Variants in MACROD1 observed in about 807,000 individuals in gnomAD.
The protein encoded by MACROD1 is ADP-ribose glycohydrolase MACROD1.
MACROD1 carries 31 observed loss-of-function variants against 41.4 expected under a neutral mutation model. The observed-to-expected ratio is 0.75, with a 90% CI of 0.56 to 1.01. The LOEUF is 1.01. Among genes scored for constraint, MACROD1 ranks in the 50% least tolerant of loss-of-function variants. MACROD1 has a pLI of 0.00. For missense variants in MACROD1, 473 were observed against 460.0 expected (o/e 1.03, Z -0.26); for synonymous variants, 252 against 203.4 (o/e 1.24, Z -2.03).
intron 3 of MACROD1, among the ~76,000 whole-genome samples, chr11:64,112,738 G>C (rs1287686010): frequency 6.6e-6 from 1 of 152,146 alleles, no homozygotes; most frequent in Non-Finnish European, 1.5e-5. Flanking sequence ...GGGATACTAG[G>C]GGGTGCCTGG....
Position 64,090,889 on chromosome 11 carries a change from CA to C in MACROD1, c.517+60349del, listed in dbSNP as rs1406568609. 6.6e-6 allele frequency among the ~76,000 whole-genome samples: 1 copy of C among 151,956 alleles called. No individual in the cohort carries two copies. Among genetic ancestry groups the C allele is most frequent in the Non-Finnish European group, 1.5e-5 (1 of 67,974 alleles). ...AGGGACGAAGTAAAGCAGGAGAGGG[CA>C]GGGGGAGGGACAGCCAGGGTGGTCA... On this transcript the variant is annotated intron_variant, in intron 3 of 10. Coordinates refer to ENST00000255681, the MANE Select transcript of MACROD1 (RefSeq NM_014067.4). This position sits in a 1 kb window ranked among gnomAD's most constrained non-coding sequence, Gnocchi z 4.7.
At chr11:64,040,661 T>C (rs1048858094) in intron 3 of MACROD1, among the ~76,000 whole-genome samples, 1 of 152,196 alleles carries the variant, frequency 6.6e-6, no homozygotes, top group Non-Finnish European at 1.5e-5. Flanking sequence ...AAATGTGGGC[T>C]TGTTTATGAC....
chr11:64,152,376 T>G lies in MACROD1; in HGVS notation c.316A>C (p.Ser106Arg), dbSNP rs1329447371. The part of the protein sequence containing the change: ...KEAKSFLKGL[S>R]DKQREEHYFC... ...TAATGTTCCTCCCGCTGCTTGTCAC[T>G]CAGGCCCTTCAGAAAGGCTGCAGAG... Residue 106 changes from serine (S) to arginine (R), a missense_variant, in exon 2 of 11, where the codon AGT becomes CGT. Ser to Arg is a moderately radical substitution (Grantham distance 110). Coordinates refer to ENST00000255681, the MANE Select transcript of MACROD1 (RefSeq NM_014067.4). 6.2e-7 allele frequency: 1 copy of G among 1,614,186 alleles called. No individual in the cohort carries two copies. The highest frequency in any genetic ancestry group is 8.5e-7 in the Non-Finnish European group (1 of 1,180,002).
intron 3 of MACROD1, among the ~76,000 whole-genome samples, chr11:64,043,097 C>CGGA (rs1943519584): frequency 6.6e-6 from 1 of 152,196 alleles, no homozygotes; most frequent in African/African-American, 2.4e-5. Context: ...CCTCACGTCC[C>CGGA]CTCTCTGTGC....
rs148356716 is a variant in MACROD1, at chr11:64,100,470, C to T, written c.517+50769G>A. 5.5e-3 allele frequency among the ~76,000 whole-genome samples: 844 copies of T among 152,264 alleles called. 7 individuals are homozygous for T. The highest frequency in any genetic ancestry group is 8.4e-3 in the Non-Finnish European group (571 of 68,016). On this transcript the variant is annotated intron_variant, in intron 3 of 10. Transcript: ENST00000255681. Reference sequence around the variant, plus strand: ...AGACCAGACCTGGAGCCTGTGGGAACGGGGGAGGCCAAGGCGAGGAGTGTA... The same window carrying T: ...AGACCAGACCTGGAGCCTGTGGGAATGGGGGAGGCCAAGGCGAGGAGTGTA...
chr11:64,136,402 C>T (rs1239846834), intron 3 of MACROD1, among the ~76,000 whole-genome samples: 1 of 152,224 alleles, frequency 6.6e-6, no homozygotes, highest in East Asian at 1.9e-4. Context: ...GGACTCATAG[C>T]CGCCTCTCAG....
chr11:64,157,524 G>T (rs1025412009), intron 1 of MACROD1, among the ~76,000 whole-genome samples: 8 of 152,140 alleles, frequency 5.3e-5, no homozygotes, highest in African/African-American at 1.9e-4. Flanking sequence ...CATTTTTGAA[G>T]AGGCAAGAGT....
chr11:64,010,630 G>T (rs1351636010), intron 4 of MACROD1, among the ~76,000 whole-genome samples: 3 of 148,326 alleles, frequency 2.0e-5, no homozygotes, highest in African/African-American at 5.0e-5. Context: ...CTGGGGTGTT[G>T]GTTGGAGTGT....
chr11:64,117,117 C>T, intron 3 of MACROD1: 2 of 1,610,080 alleles, frequency 1.2e-6, no homozygotes, highest in Non-Finnish European at 1.7e-6. Flanking sequence ...TGCCATCAGC[C>T]ACATCCCCTA....
At chr11:64,155,419 T>G (rs1945652234) in intron 1 of MACROD1, among the ~76,000 whole-genome samples, 1 of 152,138 alleles carries the variant, frequency 6.6e-6, no homozygotes, top group African/African-American at 2.4e-5. Context: ...CCCGCCAGGT[T>G]TGGGTTCGTG....
intron 3 of MACROD1, among the ~76,000 whole-genome samples, chr11:64,126,498 A>G (rs1475700965): frequency 1.3e-5 from 2 of 152,194 alleles, no homozygotes; most frequent in African/African-American, 4.8e-5. Flanking sequence ...CGTACCCCCT[A>G]TAAACACGGC....
chr11:63,999,360 G>T lies in MACROD1; in HGVS notation c.862C>A (p.Arg288=), dbSNP rs376399388. The T allele has an allele frequency of 8.8e-6, 14 of 1,591,078 alleles. No homozygotes were observed. The highest frequency in any genetic ancestry group is 1.7e-5 in the Admixed American group (1 of 58,488). Reference sequence around the variant, plus strand: ...TCCTTGTGCTGCTCCAGCCACTCTCGCAGCGTGGCCAGCACGATCTCGGCG... The same window carrying T: ...TCCTTGTGCTGCTCCAGCCACTCTCTCAGCGTGGCCAGCACGATCTCGGCG... ...AAAEIVLATL[R]EWLEQHKDKV... is the part of the protein sequence containing the mutation. Residue 288 remains arginine, a synonymous_variant, in exon 8 of 11, where the codon CGA becomes AGA. Transcript: ENST00000255681.
intron 3 of MACROD1, among the ~76,000 whole-genome samples, chr11:64,018,974 G>A (rs1943118026): frequency 6.6e-6 from 1 of 152,204 alleles, no homozygotes; most frequent in Admixed American, 6.5e-5. Context: ...CCCCACCCAA[G>A]GGACCCAGAC....
intron 3 of MACROD1, among the ~76,000 whole-genome samples, chr11:64,070,166 G>A (rs906930716): frequency 6.6e-6 from 1 of 152,316 alleles, no homozygotes; most frequent in South Asian, 2.1e-4. Flanking sequence ...CAGGTCGTGT[G>A]CTCAGGGTCA....
chr11:64,135,214 C>T (rs546100969), intron 3 of MACROD1, among the ~76,000 whole-genome samples: 18 of 152,346 alleles, frequency 1.2e-4, no homozygotes, highest in African/African-American at 4.1e-4. Flanking sequence ...GAATGACTCT[C>T]GCCATCCCAG....
At chr11:64,155,556 T>C (rs1945654348) in intron 1 of MACROD1, among the ~76,000 whole-genome samples, 1 of 152,218 alleles carries the variant, frequency 6.6e-6, no homozygotes. Flanking sequence ...GGCTGTGTGC[T>C]GCAAAGTGCG....
chr11:64,114,702 G>A (rs1374897550), intron 3 of MACROD1, among the ~76,000 whole-genome samples: 1 of 151,722 alleles, frequency 6.6e-6, no homozygotes, highest in Middle Eastern at 3.2e-3. Flanking sequence ...TGCATGGACT[G>A]ATACATAGAT....
At chr11:64,128,284 C>T (rs1053225018) in intron 3 of MACROD1, among the ~76,000 whole-genome samples, 3 of 152,240 alleles carry the variant, frequency 2.0e-5, no homozygotes, top group African/African-American at 4.8e-5. Flanking sequence ...CACTCCCTCA[C>T]CTGAGACCCA....
chr11:64,113,461 C>A (rs1944898575), intron 3 of MACROD1, among the ~76,000 whole-genome samples: 1 of 114,066 alleles, frequency 8.8e-6, no homozygotes, highest in Non-Finnish European at 1.9e-5. Flanking sequence ...CAGGTGGATG[C>A]ATGGATTGAT....
Sources: allele counts gnomAD v4.1 joint callset (sites outside exome capture counted in the v4.1 genomes callset), GRCh38; gene constraint gnomAD v4.1.1; non-coding constraint Gnocchi (gnomAD v3.1); transcripts MANE v1.5; gene names NCBI Gene and HGNC (gene_info 2026-07-23, HGNC 2026-07-21).